The following C12orf42 variants were observed in gnomAD, a reference collection of about 807,000 sequenced individuals.
The protein encoded by C12orf42 is chromosome 12 open reading frame 42.
C12orf42 carries 25 observed loss-of-function variants against 21.6 expected under a neutral mutation model. That is an observed-to-expected ratio of 1.16 (90% confidence interval 0.84 to 1.62). The LOEUF (loss-of-function observed/expected upper bound fraction) is 1.62. Among genes scored for constraint, C12orf42 ranks in the 40% most tolerant of loss-of-function variants. C12orf42 has a pLI of 0.00. For synonymous variants in C12orf42, 174 were observed against 175.0 expected (o/e 0.99, Z 0.05); for missense variants, 483 against 459.3 (o/e 1.05, Z -0.47).
At chr12:103,185,832 C>T in the C12orf42 span, among the ~76,000 whole-genome samples, 1 of 152,214 alleles carries the variant, frequency 6.6e-6, no homozygotes, top group African/African-American at 2.4e-5. Context: ...TCTGAGGCCT[C>T]CTCAAGCCAT....
intron 4 of C12orf42, among the ~76,000 whole-genome samples, chr12:103,344,186 G>A (rs1288227845): frequency 1.3e-5 from 2 of 152,132 alleles, no homozygotes; most frequent in African/African-American, 4.8e-5. Context: ...GGGATGGCAG[G>A]GCAGCTGAAT....
the C12orf42 span, among the ~76,000 whole-genome samples, chr12:103,127,925 A>C: frequency 1.3e-5 from 2 of 152,214 alleles, no homozygotes; most frequent in Non-Finnish European, 2.9e-5. Flanking sequence ...CAGAGAAGTT[A>C]ATATAAAATG....
At chr12:103,201,067 C>A in the C12orf42 span, among the ~76,000 whole-genome samples, 5 of 152,130 alleles carry the variant, frequency 3.3e-5, no homozygotes, top group Admixed American at 6.5e-5. Flanking sequence ...CAGGTGAATA[C>A]GGCAGATGAG....
At chr12:103,376,900 A>T (rs566524878) in intron 3 of C12orf42, among the ~76,000 whole-genome samples, 22 of 146,266 alleles carry the variant, frequency 1.5e-4, no homozygotes, top group African/African-American at 4.3e-4. Context: ...TCTCTCTCTC[A>T]CTCTCTCGCT....
At chr12:103,115,085 G>T in the C12orf42 span, among the ~76,000 whole-genome samples, 1 of 152,172 alleles carries the variant, frequency 6.6e-6, no homozygotes, top group Non-Finnish European at 1.5e-5. Context: ...TTGAGTTCTG[G>T]CTGGTCACAC....
chr12:103,157,479 C>T, the C12orf42 span, among the ~76,000 whole-genome samples: 2 of 152,080 alleles, frequency 1.3e-5, no homozygotes, highest in African/African-American at 4.8e-5. Context: ...TTAATTAGAT[C>T]CCATTTGTCC....
At chr12:103,284,897 T>C (rs533428882) in intron 4 of C12orf42, among the ~76,000 whole-genome samples, 1 of 152,158 alleles carries the variant, frequency 6.6e-6, no homozygotes, top group East Asian at 1.9e-4. Context: ...AATTAAGACA[T>C]TTTCATGGAG....
At chr12:103,229,286 A>G in the C12orf42 span, among the ~76,000 whole-genome samples, 1 of 152,182 alleles carries the variant, frequency 6.6e-6, no homozygotes, top group Non-Finnish European at 1.5e-5. Flanking sequence ...ATGCCTCTTA[A>G]TAAGGAAATG....
At chr12:103,464,597 T>G (rs971094212) in intron 2 of C12orf42, among the ~76,000 whole-genome samples, 1 of 152,212 alleles carries the variant, frequency 6.6e-6, no homozygotes, top group East Asian at 1.9e-4. Flanking sequence ...ATTTTTGCTT[T>G]TGTTGCAATT....
At chr12:103,326,719 T>C (rs2040750853) in intron 4 of C12orf42, among the ~76,000 whole-genome samples, 1 of 152,208 alleles carries the variant, frequency 6.6e-6, no homozygotes, top group African/African-American at 2.4e-5. Context: ...TGCACAAAAC[T>C]TATGTCCTCA....
chr12:103,047,731 G>A, the C12orf42 span, among the ~76,000 whole-genome samples: 1 of 152,152 alleles, frequency 6.6e-6, no homozygotes, highest in Non-Finnish European at 1.5e-5. Flanking sequence ...CTTATTTATG[G>A]CTGACATCAG....
At chr12:103,332,846 T>C (rs2041362386) in intron 4 of C12orf42, among the ~76,000 whole-genome samples, 1 of 152,244 alleles carries the variant, frequency 6.6e-6, no homozygotes, top group South Asian at 2.1e-4. Flanking sequence ...CTAAAATATT[T>C]ACTATCTTGA....
chr12:103,459,573 C>G (rs184338768), intron 2 of C12orf42, among the ~76,000 whole-genome samples: 1 of 152,320 alleles, frequency 6.6e-6, no homozygotes, highest in East Asian at 1.9e-4. Context: ...TGGTGCCATG[C>G]TTCCTGTACA....
the C12orf42 span, among the ~76,000 whole-genome samples, chr12:103,181,303 GA>G: frequency 0.019 from 2,903 of 151,854 alleles, 36 homozygotes; most frequent in East Asian, 0.028. Context: ...AATAAAAAAT[GA>G]AAAAAATTCA....
Position 103,492,090 on chromosome 12 carries a change from G to A in C12orf42, c.-22+3812C>T, listed in dbSNP as rs960436784. Among the ~76,000 whole-genome samples, 25 of 152,108 alleles carry A rather than the reference G, an allele frequency of 1.6e-4. 1 individual carries two copies. The highest frequency in any genetic ancestry group is 5.3e-4 in the African/African-American group (22 of 41,410). On this transcript the variant is annotated intron_variant, in intron 1 of 5. Transcript: ENST00000548883. Reference sequence around the variant, plus strand: ...TCACGCTTCAGCCTCCTGAGTAGCCGGGATTACAGGCGTGCGCAACTACGC... The same window carrying A: ...TCACGCTTCAGCCTCCTGAGTAGCCAGGATTACAGGCGTGCGCAACTACGC...
At chr12:103,142,473 T>G in the C12orf42 span, among the ~76,000 whole-genome samples, 1 of 152,242 alleles carries the variant, frequency 6.6e-6, no homozygotes, top group East Asian at 1.9e-4. Context: ...TAGTTTTATC[T>G]GGTTTATTTC....
At chr12:103,550,535 G>C in the C12orf42 span, 1 of 152,054 alleles carries the variant, frequency 6.6e-6, no homozygotes, top group South Asian at 2.1e-4. Context: ...TGAGATTCTT[G>C]ATACAAGCCT....
At chr12:103,050,956 C>G in the C12orf42 span, among the ~76,000 whole-genome samples, 1 of 152,060 alleles carries the variant, frequency 6.6e-6, no homozygotes, top group Non-Finnish European at 1.5e-5. Context: ...CTTTCCTATA[C>G]GACAATCAAC....
the C12orf42 span, among the ~76,000 whole-genome samples, chr12:103,154,326 T>A: frequency 6.6e-6 from 1 of 152,040 alleles, no homozygotes; most frequent in African/African-American, 2.4e-5. Context: ...GCCTTTTTGT[T>A]GGAATATTAT....
Sources: allele counts gnomAD v4.1 joint callset (sites outside exome capture counted in the v4.1 genomes callset), GRCh38; gene constraint gnomAD v4.1.1; transcripts MANE v1.5; gene names NCBI Gene and HGNC (gene_info 2026-07-23, HGNC 2026-07-21).